Variants in SH3PXD2A observed in about 807,000 individuals in gnomAD.
SH3PXD2A encodes SH3 and PX domains 2A.
In SH3PXD2A, 32 loss-of-function variants were observed where a neutral mutation model predicts 115.2. That is an observed-to-expected ratio of 0.28 (90% confidence interval 0.21 to 0.37). SH3PXD2A has a LOEUF of 0.37. Among genes scored for constraint, SH3PXD2A ranks in the 10% least tolerant of loss-of-function variants. The probability of loss-of-function intolerance (pLI) is 1.00; values close to 1 mark genes in which losing one functional copy is unlikely to be tolerated. For synonymous variants in SH3PXD2A, 610 were observed against 629.1 expected (o/e 0.97, Z 0.45); for missense variants, 1,328 against 1,498.7 (o/e 0.89, Z 1.88).
At chr10:103,762,014 C>CTTTTTTTTTTTTTTTTTTTTT in intron 3 of SH3PXD2A, among the ~76,000 whole-genome samples, 1 of 90,684 alleles carries the variant, frequency 1.1e-5, no homozygotes, top group Non-Finnish European at 2.3e-5. Flanking sequence ...ATCAACACGT[C>CTTTTTTTTTTTTTTTTTTTTT]TTTTTTTTTT....
chr10:103,595,969 G>A lies in SH3PXD2A; in HGVS notation c.*5847C>T, dbSNP rs541206710. ...TCACTGGCTCTGATCATGCAGCTTG[G>A]GAACCACAGAGACATGAGACTGCAC... On this transcript the variant is annotated 3_prime_UTR_variant, in exon 15 of 15. Transcript: ENST00000369774. 3.3e-5 allele frequency: 5 copies of A among 152,686 alleles called. No individual in the cohort carries two copies. The South Asian group carries it at 1.0e-3, about 32-fold the overall frequency. The allele number at this position is 152,686 out of a possible 1,614,324, so 9.5% of individuals were successfully genotyped here.
intron 3 of SH3PXD2A, among the ~76,000 whole-genome samples, chr10:103,751,477 A>G (rs1018501098): frequency 1.1e-4 from 16 of 152,232 alleles, no homozygotes; most frequent in Non-Finnish European, 4.4e-5. Context: ...TAAAGCACAG[A>G]GAGGTTAAGT....
intron 3 of SH3PXD2A, among the ~76,000 whole-genome samples, chr10:103,740,181 T>C (rs2038428924): frequency 6.6e-6 from 1 of 152,210 alleles, no homozygotes; most frequent in African/African-American, 2.4e-5. Flanking sequence ...TTGAAGCAAG[T>C]ACTTTAACCA....
chr10:103,768,587 G>A (rs2038783625), intron 2 of SH3PXD2A, among the ~76,000 whole-genome samples: 1 of 152,190 alleles, frequency 6.6e-6, no homozygotes, highest in Non-Finnish European at 1.5e-5. Flanking sequence ...GTCCTGGAGA[G>A]TTCTGTGCAG....
chr10:103,799,090 T>C (rs907540449), intron 2 of SH3PXD2A, among the ~76,000 whole-genome samples: 8 of 152,232 alleles, frequency 5.3e-5, no homozygotes, highest in African/African-American at 1.7e-4. Context: ...TGAAGGAGCC[T>C]GTCCGGAGTT....
chr10:103,691,728 T>C (rs1349399948), intron 6 of SH3PXD2A, among the ~76,000 whole-genome samples: 10 of 151,698 alleles, frequency 6.6e-5, no homozygotes, highest in Admixed American at 5.9e-4. Context: ...CTCCAACCCA[T>C]AACCAGATAT....
intron 3 of SH3PXD2A, among the ~76,000 whole-genome samples, chr10:103,740,508 T>A (rs1202754024): frequency 6.6e-6 from 1 of 152,088 alleles, no homozygotes; most frequent in Non-Finnish European, 1.5e-5. Context: ...GGGCCTCAAG[T>A]AGAATCACCA....
At chr10:103,702,596 C>CGTGTGTGTGTGTATGT (rs1554913269) in intron 5 of SH3PXD2A, among the ~76,000 whole-genome samples, 1 of 147,448 alleles carries the variant, frequency 6.8e-6, no homozygotes, top group Non-Finnish European at 1.5e-5. Context: ...TGTGTGTGTG[C>CGTGTGTGTGTGTATGT]GTGTGTGTGT....
chr10:103,659,090 C>G (rs1021366055), intron 8 of SH3PXD2A, among the ~76,000 whole-genome samples: 1 of 152,238 alleles, frequency 6.6e-6, no homozygotes, highest in African/African-American at 2.4e-5. Context: ...GGCATCTCCC[C>G]CTTTGTCAAG....
intron 3 of SH3PXD2A, among the ~76,000 whole-genome samples, chr10:103,764,924 T>C (rs1002636689): frequency 6.6e-6 from 1 of 152,220 alleles, no homozygotes; most frequent in African/African-American, 2.4e-5. Flanking sequence ...AATCAGATTA[T>C]ATATGTAAAT....
At chr10:103,736,404 G>C (rs1219666721) in intron 3 of SH3PXD2A, among the ~76,000 whole-genome samples, 6 of 152,224 alleles carry the variant, frequency 3.9e-5, no homozygotes, top group Non-Finnish European at 8.8e-5. Context: ...CTACAGGTAT[G>C]GGCAAGGCTT....
At chr10:103,696,447 A>G (rs1313444339) in intron 5 of SH3PXD2A, among the ~76,000 whole-genome samples, 3 of 152,122 alleles carry the variant, frequency 2.0e-5, no homozygotes, top group Admixed American at 2.0e-4. Flanking sequence ...CTGGCAGGAC[A>G]GCAGGGCCCT....
intron 6 of SH3PXD2A, among the ~76,000 whole-genome samples, chr10:103,692,435 C>T (rs1414927316): frequency 2.0e-5 from 3 of 152,188 alleles, no homozygotes; most frequent in Non-Finnish European, 4.4e-5. Context: ...AAGTGCGTCT[C>T]AGCTGCCAAA....
At chr10:103,727,611 C>T (rs1041351372) in intron 4 of SH3PXD2A, among the ~76,000 whole-genome samples, 1 of 152,208 alleles carries the variant, frequency 6.6e-6, no homozygotes, top group African/African-American at 2.4e-5. Context: ...TGCTGCCACT[C>T]ACCCTAAGCA....
chr10:103,623,064 G>A (rs993542427), intron 9 of SH3PXD2A, among the ~76,000 whole-genome samples: 11 of 152,190 alleles, frequency 7.2e-5, no homozygotes, highest in African/African-American at 2.4e-4. Context: ...AGAGAGACTT[G>A]GATCCCTTCC....
chr10:103,658,465 C>G (rs927673311), intron 8 of SH3PXD2A, among the ~76,000 whole-genome samples: 1 of 152,184 alleles, frequency 6.6e-6, no homozygotes, highest in Non-Finnish European at 1.5e-5. Flanking sequence ...TTGCACAAGA[C>G]GCCTCCTCTC....
At chr10:103,741,608 A>G (rs2038444585) in intron 3 of SH3PXD2A, among the ~76,000 whole-genome samples, 1 of 152,170 alleles carries the variant, frequency 6.6e-6, no homozygotes, top group South Asian at 2.1e-4. Flanking sequence ...AGGGATACAG[A>G]TGCTCACAAA....
At chr10:103,853,330 A>C (rs966623106) in intron 1 of SH3PXD2A, among the ~76,000 whole-genome samples, 1 of 152,236 alleles carries the variant, frequency 6.6e-6, no homozygotes, top group African/African-American at 2.4e-5. Flanking sequence ...CTTAGTCAGA[A>C]TCTCACCAAT....
chr10:103,831,528 T>A (rs894614249), intron 1 of SH3PXD2A, among the ~76,000 whole-genome samples: 1 of 152,184 alleles, frequency 6.6e-6, no homozygotes, highest in Non-Finnish European at 1.5e-5. Flanking sequence ...GTCACCATTT[T>A]AACGTGTACA....
Sources: gnomAD v4.1 joint callset for allele counts (sites outside exome capture counted in the v4.1 genomes callset) on GRCh38, gnomAD v4.1.1 for gene constraint, MANE v1.5 for transcripts, NCBI Gene and HGNC (gene_info 2026-07-23, HGNC 2026-07-21) for gene names.